FGF12: variants seen among roughly 807,000 people sequenced by gnomAD.
FGF12 encodes the protein fibroblast growth factor 12, also known as fibroblast growth factor 12B.
A neutral mutation model predicts 23.6 loss-of-function variants in FGF12; 14 were observed. The ratio of observed to expected loss-of-function variants is 0.59; its 90% confidence interval spans 0.39 to 0.93. The LOEUF (loss-of-function observed/expected upper bound fraction) is 0.93, where lower values mean the gene tolerates loss of function less well. Ranked by LOEUF, FGF12 falls within the 40% of genes least tolerant of loss-of-function variation. FGF12 has a pLI of 0.00. For missense variants in FGF12, 175 were observed against 217.8 expected (o/e 0.80, Z 1.24); for synonymous variants, 62 against 77.3 (o/e 0.80, Z 1.04).
At chr3:192,167,376 G>T (rs1449813904) in intron 5 of FGF12, among the ~76,000 whole-genome samples, 1 of 151,928 alleles carries the variant, frequency 6.6e-6, no homozygotes, top group Non-Finnish European at 1.5e-5. Context: ...GGGCAGAAGG[G>T]CAGATCCAGG....
At chr3:192,401,323 G>A (rs1720750920) in intron 2 of FGF12, among the ~76,000 whole-genome samples, 1 of 152,170 alleles carries the variant, frequency 6.6e-6, no homozygotes, top group Admixed American at 6.5e-5. Flanking sequence ...GGTTGAAAAG[G>A]GAGGAAATTT....
chr3:192,402,444 C>G (rs1210107485), intron 2 of FGF12, among the ~76,000 whole-genome samples: 1 of 152,218 alleles, frequency 6.6e-6, no homozygotes, highest in Non-Finnish European at 1.5e-5. Flanking sequence ...GGACTCTAGA[C>G]CACACACACA....
chr3:192,478,187 G>A (rs1180480164), intron 2 of FGF12, among the ~76,000 whole-genome samples: 1 of 152,076 alleles, frequency 6.6e-6, no homozygotes, highest in East Asian at 1.9e-4. Context: ...CATATATACT[G>A]AGCAATTACC....
At chr3:192,511,241 A>G (rs1202472666) in intron 2 of FGF12, among the ~76,000 whole-genome samples, 1 of 152,032 alleles carries the variant, frequency 6.6e-6, no homozygotes, top group African/African-American at 2.4e-5. Context: ...ACACACACAC[A>G]CACACACACA....
At chr3:192,244,465 CAA>C (rs1467764127) in intron 4 of FGF12, among the ~76,000 whole-genome samples, 1 of 151,892 alleles carries the variant, frequency 6.6e-6, no homozygotes, top group East Asian at 1.9e-4. Flanking sequence ...TCTTTTCTAA[CAA>C]AGAGAGGTAA....
chr3:192,573,458 G>A (rs905338181), intron 2 of FGF12, among the ~76,000 whole-genome samples: 3 of 152,068 alleles, frequency 2.0e-5, no homozygotes, highest in Non-Finnish European at 4.4e-5. Context: ...GAAGGCCTGA[G>A]TAGAACAAAA....
intron 2 of FGF12, among the ~76,000 whole-genome samples, chr3:192,484,056 T>A (rs913416303): frequency 4.6e-5 from 7 of 152,060 alleles, no homozygotes; most frequent in Non-Finnish European, 8.8e-5. Context: ...CCTGAAAGAT[T>A]GGGGAACTGA....
chr3:192,233,599 G>T (rs567871495), intron 4 of FGF12, among the ~76,000 whole-genome samples: 1 of 152,214 alleles, frequency 6.6e-6, no homozygotes, highest in Admixed American at 6.6e-5. Context: ...TACTTTTGCA[G>T]ACTTTGTGAT....
chr3:192,188,136 A>G (rs1448161994), intron 4 of FGF12, among the ~76,000 whole-genome samples: 1 of 152,218 alleles, frequency 6.6e-6, no homozygotes, highest in South Asian at 2.1e-4. Flanking sequence ...TAATATTCTA[A>G]TAATTTCATA....
intron 2 of FGF12, among the ~76,000 whole-genome samples, chr3:192,372,622 C>T (rs1329025210): frequency 2.6e-5 from 4 of 152,170 alleles, no homozygotes; most frequent in East Asian, 3.8e-4. Context: ...TCTCTCCATC[C>T]GCACTGCCTC....
intron 2 of FGF12, among the ~76,000 whole-genome samples, chr3:192,567,371 A>G (rs577477097): frequency 6.6e-6 from 1 of 152,174 alleles, no homozygotes; most frequent in African/African-American, 2.4e-5. Context: ...GGGAAAAGAT[A>G]AGGAAAGGGA....
intron 4 of FGF12, among the ~76,000 whole-genome samples, chr3:192,306,588 A>G (rs374383769): frequency 6.6e-6 from 1 of 152,166 alleles, no homozygotes; most frequent in South Asian, 2.1e-4. Context: ...GTTTCTTGAC[A>G]TATATTTCTA....
intron 2 of FGF12, among the ~76,000 whole-genome samples, chr3:192,552,273 C>T (rs968779386): frequency 7.9e-5 from 12 of 151,780 alleles, no homozygotes; most frequent in African/African-American, 2.4e-4. Flanking sequence ...AGCCCTGGTA[C>T]CTCAGAAAAT....
intron 4 of FGF12, among the ~76,000 whole-genome samples, chr3:192,203,482 G>A (rs1717482579): frequency 1.3e-5 from 2 of 151,888 alleles, no homozygotes; most frequent in South Asian, 4.2e-4. Flanking sequence ...TATGTCTAAG[G>A]ATTTGGATAC....
intron 2 of FGF12, among the ~76,000 whole-genome samples, chr3:192,505,794 T>G (rs1185124448): frequency 6.6e-6 from 1 of 152,100 alleles, no homozygotes; most frequent in Admixed American, 6.5e-5. Flanking sequence ...GGAAGGAGAT[T>G]TTATTTCTTA....
chr3:192,249,161 G>A (rs1711835923), intron 4 of FGF12, among the ~76,000 whole-genome samples: 1 of 152,136 alleles, frequency 6.6e-6, no homozygotes, highest in African/African-American at 2.4e-5. Flanking sequence ...GGAAAGGTAT[G>A]TGATATAACT....
chr3:192,264,433 A>C (rs1712949574), intron 4 of FGF12, among the ~76,000 whole-genome samples: 1 of 152,160 alleles, frequency 6.6e-6, no homozygotes, highest in Non-Finnish European at 1.5e-5. Context: ...TAAGCAAAAA[A>C]AGCTTGCATT....
chr3:192,637,928 G>T (rs1715644893), intron 2 of FGF12, among the ~76,000 whole-genome samples: 1 of 152,116 alleles, frequency 6.6e-6, no homozygotes, highest in Admixed American at 6.6e-5. Flanking sequence ...AGAAAGAAAA[G>T]AAACTTGCTA....
intron 5 of FGF12, among the ~76,000 whole-genome samples, chr3:192,147,372 C>T (rs1183852903): frequency 6.6e-6 from 1 of 152,038 alleles, no homozygotes; most frequent in Non-Finnish European, 1.5e-5. Context: ...AATAAAGTAC[C>T]TCCCTTCAGT....
Sources: gnomAD v4.1 joint callset for allele counts (sites outside exome capture counted in the v4.1 genomes callset) on GRCh38, gnomAD v4.1.1 for gene constraint, MANE v1.5 for transcripts, NCBI Gene and HGNC (gene_info 2026-07-23, HGNC 2026-07-21) for gene names.